PIK3CD: variants seen among roughly 807,000 people sequenced by gnomAD.
The protein encoded by PIK3CD is phosphatidylinositol-4,5-bisphosphate 3-kinase catalytic subunit delta, also known as phosphatidylinositol 4,5-bisphosphate 3-kinase catalytic subunit delta isoform.
In PIK3CD, 20 loss-of-function variants were observed where a neutral mutation model predicts 122.9. The observed-to-expected ratio is 0.16, with a 90% confidence interval of 0.11 to 0.24. The LOEUF is 0.24. Ranked by LOEUF, PIK3CD falls within the 10% of genes least tolerant of loss-of-function variation. PIK3CD has a pLI of 1.00. For missense variants in PIK3CD, 787 were observed against 1,406.3 expected (o/e 0.56, Z 7.04); for synonymous variants, 596 against 593.4 (o/e 1.00, Z -0.06).
Position 9,719,660 on chromosome 1 carries a change from CAA to C in PIK3CD, c.1243-248_1243-247del, listed in dbSNP as rs34093717. Among the ~76,000 whole-genome samples the C allele has an allele frequency of 4.7e-5, 6 of 126,838 alleles. No individual in the cohort carries two copies. Among genetic ancestry groups the C allele is most frequent in the Non-Finnish European group, 4.9e-5 (3 of 61,642 alleles). 83.2% of individuals were successfully genotyped at this position (126,838 alleles called of 152,430 possible). On this transcript the variant is annotated intron_variant, in intron 9 of 23. Coordinates refer to ENST00000377346, the MANE Select transcript of PIK3CD (RefSeq NM_005026.5). The surrounding 1 kb of genome is among the most constrained non-coding windows in gnomAD (Gnocchi z 5.5). ...TGGGTGACAGAGCAAGACTCCGTCT[CAA>C]AAAAAAAAAAAAGCCTGAGTAGGGG...
intron 1 of PIK3CD, among the ~76,000 whole-genome samples, chr1:9,674,202 G>C (rs1388525925): frequency 1.3e-5 from 2 of 152,184 alleles, no homozygotes; most frequent in Admixed American, 1.3e-4. Flanking sequence ...CTCCAGAAAG[G>C]GGGCATCAGG....
chr1:9,726,860 G>A, intron 23 of PIK3CD, 49 bp from the exon 24 acceptor site: 2 of 1,612,468 alleles, frequency 1.2e-6, no homozygotes, highest in Non-Finnish European at 1.7e-6. Flanking sequence ...GCATCCCAGA[G>A]CAAGGTCCGG....
At chr1:9,705,445 C>G (rs1429214106) in intron 2 of PIK3CD, among the ~76,000 whole-genome samples, 1 of 151,936 alleles carries the variant, frequency 6.6e-6, no homozygotes, top group Admixed American at 6.6e-5. Flanking sequence ...CTGCAGTGAG[C>G]TGTGATTGCG....
intron 1 of PIK3CD, among the ~76,000 whole-genome samples, chr1:9,666,029 C>A (rs1057186161): frequency 6.6e-6 from 1 of 152,062 alleles, no homozygotes; most frequent in Non-Finnish European, 1.5e-5. Context: ...TGGCTTCAAG[C>A]GATTCTCCTG....
At chr1:9,659,701 G>GC (rs1644957434) in intron 1 of PIK3CD, among the ~76,000 whole-genome samples, 1 of 152,078 alleles carries the variant, frequency 6.6e-6, no homozygotes, top group Non-Finnish European at 1.5e-5. Flanking sequence ...GTATGTATCA[G>GC]AATTTCTTTC....
rs542785402 is a variant in PIK3CD, at chr1:9,719,570, A to C, written c.1243-351A>C. 3.3e-5 allele frequency among the ~76,000 whole-genome samples: 5 copies of C among 152,148 alleles called. No individual in the cohort carries two copies. Among genetic ancestry groups the C allele is most frequent in the African/African-American group, 1.2e-4 (5 of 41,522 alleles). ...CAGCTACTTGGGAGGCTGAGGCAGG[A>C]TAATTGCTTGAACCAAGGAGGCAGA... On this transcript the variant is annotated intron_variant, in intron 9 of 23. Transcript: ENST00000377346. This position sits in a 1 kb window ranked among gnomAD's most constrained non-coding sequence, Gnocchi z 5.5.
At chr1:9,632,137 T>C in the PIK3CD span, among the ~76,000 whole-genome samples, 4 of 152,034 alleles carry the variant, frequency 2.6e-5, no homozygotes, top group Non-Finnish European at 5.9e-5. Context: ...CTCGGCCTCC[T>C]GAGTAGCTAG....
chr1:9,638,839 G>A, the PIK3CD span, among the ~76,000 whole-genome samples: 1 of 140,244 alleles, frequency 7.1e-6, no homozygotes, highest in East Asian at 2.2e-4. Flanking sequence ...GCCTTGGTGT[G>A]ATCTCGGCTC....
chr1:9,716,478 G>A lies in PIK3CD; in HGVS notation c.639G>A (p.Pro213=), dbSNP rs374739511. The A allele has an allele frequency of 4.9e-5, 79 of 1,611,002 alleles. 1 individual carries two copies. The highest frequency in any genetic ancestry group is 4.3e-4 in the Admixed American group (26 of 60,000). The change falls in exon 6 of 24, where the codon CCG becomes CCA. Residue 213 remains proline (P), a synonymous_variant. Transcript: ENST00000377346. The part of the protein sequence containing the change: ...FTFQVSTKDV[P]LALMACALRK... ...TCCAGGTGTCCACCAAGGACGTGCC[G>A]CTGGCGCTGATGGCCTGTGCCCTGC...
chr1:9,720,465 AG>A lies in PIK3CD; in HGVS notation c.1471-145del, dbSNP rs1229946580. 6.8e-7 allele frequency: 1 copy of A among 1,463,440 alleles called. No homozygotes were observed. The highest frequency in any genetic ancestry group is 1.4e-5 in the African/African-American group (1 of 70,820). 90.7% of individuals were successfully genotyped at this position (1,463,440 alleles called of 1,614,324 possible). On this transcript the variant is annotated intron_variant, in intron 11 of 23. Transcript: ENST00000377346. The surrounding 1 kb of genome is among the most constrained non-coding windows in gnomAD (Gnocchi z 9.0). ...GGAGGGATGCTCTTGGCATCTCGTG[AG>A]TGGAGGCCAGAGCTGCTGTGGATGC... is the stretch of plus-strand genomic sequence containing the variant.
chr1:9,684,039 A>G (rs1450469705), intron 1 of PIK3CD, among the ~76,000 whole-genome samples: 2 of 152,128 alleles, frequency 1.3e-5, no homozygotes, highest in Non-Finnish European at 2.9e-5. Flanking sequence ...TCAGAATTCC[A>G]AGAGCCAGCA....
chr1:9,635,060 G>C, the PIK3CD span, among the ~76,000 whole-genome samples: 1 of 152,194 alleles, frequency 6.6e-6, no homozygotes, highest in Non-Finnish European at 1.5e-5. Context: ...GGGAGGCCAA[G>C]ACGGGTGGGT....
intron 1 of PIK3CD, among the ~76,000 whole-genome samples, chr1:9,683,357 G>C (rs1221894038): frequency 6.6e-6 from 1 of 150,736 alleles, no homozygotes; most frequent in African/African-American, 2.4e-5. Context: ...AGAATGGCGT[G>C]AACCCGGGAG....
At chr1:9,688,034 G>A (rs1208586832) in intron 1 of PIK3CD, 1 of 152,232 alleles carries the variant, frequency 6.6e-6, no homozygotes, top group Non-Finnish European at 1.5e-5. Flanking sequence ...TGGCTAGGGA[G>A]CTCCGAGTCC....
In PIK3CD at chr1:9,653,934, G is replaced by A. The variant is rs539332888; in HGVS notation, c.-138+2132G>A. On this transcript the variant is annotated intron_variant, in intron 1 of 23. Coordinates refer to ENST00000377346, the MANE Select transcript of PIK3CD (RefSeq NM_005026.5). ...TTAAAACCCAGTTGTGGCTGAGAGCGGTAGCTCATACCTGTCATCCCAGTG... is the reference window on the plus strand; with the variant it reads ...TTAAAACCCAGTTGTGGCTGAGAGCAGTAGCTCATACCTGTCATCCCAGTG... The A allele has an allele frequency of 8.8e-6, 12 of 1,364,608 alleles. No homozygotes were observed. In the Admixed American group the frequency reaches 1.3e-4, roughly 15 times the overall value. The allele number at this position is 1,364,608 out of a possible 1,614,324, so 84.5% of individuals were successfully genotyped here.
chr1:9,728,264 ATACTT>A lies in PIK3CD; in HGVS notation c.*1219_*1223del, dbSNP rs1202146286. 6.6e-6 allele frequency: 1 copy of A among 152,182 alleles called. No individual in the cohort carries two copies. Among genetic ancestry groups the A allele is most frequent in the Non-Finnish European group, 1.5e-5 (1 of 68,056 alleles). The allele number at this position is 152,182 out of a possible 1,614,324, so 9.4% of individuals were successfully genotyped here. On this transcript the variant is annotated 3_prime_UTR_variant, in exon 24 of 24. Transcript: ENST00000377346. ...CGTGCTGGGATCTTTCTCTCTGACT[ATACTT>A]AGTTTGAAATGGTGCAGGCTTAGTC...
In PIK3CD at chr1:9,715,807, C is replaced by T. The variant is rs1225267104; in HGVS notation, c.370+38C>T. ...AGTGGGCCGTGTGGCCGGGCTGGCC[C>T]TGCCTGCCCCACCCGCTGACCCAGC... On this transcript the variant is annotated intron_variant, in intron 4 of 23. Transcript: ENST00000377346. The surrounding 1 kb of genome is among the most constrained non-coding windows in gnomAD (Gnocchi z 4.1). 1 of 1,610,704 alleles carries T rather than the reference C, an allele frequency of 6.2e-7. No homozygotes were observed. The highest frequency in any genetic ancestry group is 8.5e-7 in the Non-Finnish European group (1 of 1,178,212).
Position 9,722,471 on chromosome 1 carries a change from G to A in PIK3CD, c.2348-57G>A. The A allele has an allele frequency of 1.3e-6, 2 of 1,559,080 alleles. No homozygotes were observed. The highest frequency in any genetic ancestry group is 1.7e-5 in the Admixed American group (1 of 59,938). On this transcript the variant is annotated intron_variant, in intron 18 of 23. Transcript: ENST00000377346. This position sits in a 1 kb window ranked among gnomAD's most constrained non-coding sequence, Gnocchi z 7.6. ...GGGACTTAAGGGCTTGGGTGTAGCT[G>A]GAAGCAGAGAACCTACCAGAAACTC...
the PIK3CD span, among the ~76,000 whole-genome samples, chr1:9,632,732 C>T: frequency 6.6e-6 from 1 of 152,112 alleles, no homozygotes; most frequent in Non-Finnish European, 1.5e-5. Flanking sequence ...AATGTGACTA[C>T]CCCAAGTTCT....
Sources: allele counts gnomAD v4.1 joint callset (sites outside exome capture counted in the v4.1 genomes callset), GRCh38; gene constraint gnomAD v4.1.1; non-coding constraint Gnocchi (gnomAD v3.1); transcripts MANE v1.5; gene names NCBI Gene and HGNC (gene_info 2026-07-23, HGNC 2026-07-21).